Variants in MSRA observed in about 807,000 individuals in gnomAD.
The protein encoded by MSRA is methionine sulfoxide reductase A.
MSRA carries 54 observed loss-of-function variants against 31.3 expected under a neutral mutation model. The ratio of observed to expected loss-of-function variants is 1.73; its 90% confidence interval spans 1.39 to 2.17. The LOEUF (loss-of-function observed/expected upper bound fraction) is 2.17, where lower values mean the gene tolerates loss of function less well. Ranked by LOEUF, MSRA falls within the 30% of genes most tolerant of loss-of-function variation. The pLI, the probability that MSRA is intolerant of heterozygous loss-of-function variation, is 0.00. For synonymous variants in MSRA, 169 were observed against 116.5 expected (o/e 1.45, Z -2.90); for missense variants, 507 against 300.9 (o/e 1.69, Z -5.07).
At chr8:10,247,430 T>A (rs754186905) in intron 3 of MSRA, among the ~76,000 whole-genome samples, 3 of 152,220 alleles carry the variant, frequency 2.0e-5, no homozygotes, top group Non-Finnish European at 4.4e-5. Flanking sequence ...AAGTCACAAA[T>A]TCTCTTTCAT....
chr8:10,109,073 C>A (rs989469359), intron 1 of MSRA, among the ~76,000 whole-genome samples: 14 of 152,210 alleles, frequency 9.2e-5, no homozygotes, highest in Non-Finnish European at 1.8e-4. Context: ...TTCTGGCCAG[C>A]GCATTCCCTT....
chr8:10,110,084 C>A (rs1021232497), intron 1 of MSRA, among the ~76,000 whole-genome samples: 1 of 152,160 alleles, frequency 6.6e-6, no homozygotes, highest in Non-Finnish European at 1.5e-5. Flanking sequence ...ACAGTTCATG[C>A]CCCACACAGA....
At chr8:10,241,684 A>G (rs540982246) in intron 2 of MSRA, among the ~76,000 whole-genome samples, 18 of 152,318 alleles carry the variant, frequency 1.2e-4, no homozygotes, top group Non-Finnish European at 1.3e-4. Context: ...GCACCCATCA[A>G]TGCTAACTAG....
Position 10,392,835 on chromosome 8 carries a change from A to G in MSRA, c.544-35313A>G, listed in dbSNP as rs142954158. Among the ~76,000 whole-genome samples the G allele has an allele frequency of 5.2e-3, 776 of 148,062 alleles. 9 individuals are homozygous for G. Among genetic ancestry groups the G allele is most frequent in the African/African-American group, 0.019 (751 of 39,776 alleles). On this transcript the variant is annotated intron_variant, in intron 5 of 5. Coordinates refer to ENST00000317173, the MANE Select transcript of MSRA (RefSeq NM_012331.5). ...GCTGAGACGGGCGTATCACCAGGTCAGGAGATCAAGACCATTCTGGCTAAC... is the reference window on the plus strand; with the variant it reads ...GCTGAGACGGGCGTATCACCAGGTCGGGAGATCAAGACCATTCTGGCTAAC...
intron 5 of MSRA, among the ~76,000 whole-genome samples, chr8:10,385,609 G>A (rs773071143): frequency 3.3e-5 from 5 of 152,166 alleles, no homozygotes; most frequent in Non-Finnish European, 5.9e-5. Flanking sequence ...GATTAGGAGG[G>A]CCTGGCTCCC....
intron 1 of MSRA, chr8:10,096,340 TTG>T (rs1226736369): frequency 1.9e-6 from 2 of 1,045,028 alleles, no homozygotes; most frequent in African/African-American, 3.4e-5. Flanking sequence ...CATTATTTTT[TTG>T]TGTGTCTTTG....
chr8:10,090,650 T>G (rs190695333), intron 1 of MSRA, among the ~76,000 whole-genome samples: 1 of 152,228 alleles, frequency 6.6e-6, no homozygotes, highest in Non-Finnish European at 1.5e-5. Flanking sequence ...TTTGGTTCAC[T>G]CCAAAAGGAA....
intron 3 of MSRA, among the ~76,000 whole-genome samples, chr8:10,255,053 C>G (rs1310179820): frequency 6.6e-6 from 1 of 152,250 alleles, no homozygotes. Context: ...GTGCAAGATG[C>G]TGTGATTGGG....
intron 2 of MSRA, among the ~76,000 whole-genome samples, chr8:10,220,412 G>C (rs779856604): frequency 3.3e-5 from 5 of 152,166 alleles, no homozygotes; most frequent in African/African-American, 9.7e-5. Flanking sequence ...TTACCATGAA[G>C]AAACTCAAAA....
chr8:10,412,754 A>G (rs186789688), intron 5 of MSRA, among the ~76,000 whole-genome samples: 427 of 152,330 alleles, frequency 2.8e-3, no homozygotes, highest in African/African-American at 9.9e-3. Flanking sequence ...AATGCAGATG[A>G]CAGCCACGTT....
Position 10,118,073 on chromosome 8 carries a change from A to T in MSRA, c.142+63415A>T, listed in dbSNP as rs1156685941. ...AGGATTTCACTGTAAGGTTTTGGCG[A>T]TTTTCTTTTCCCTGGGTGTTCATTC... On this transcript the variant is annotated intron_variant, in intron 1 of 5. Transcript: ENST00000317173. Among the ~76,000 whole-genome samples, 4 of 152,238 alleles carry T rather than the reference A, an allele frequency of 2.6e-5. No individual in the cohort carries two copies. The East Asian group carries it at 7.7e-4, about 29-fold the overall frequency.
chr8:10,387,039 A>T (rs1806438226), intron 5 of MSRA, among the ~76,000 whole-genome samples: 1 of 152,182 alleles, frequency 6.6e-6, no homozygotes, highest in Admixed American at 6.5e-5. Context: ...CAGCAGGTCC[A>T]GGGTGGGGCC....
chr8:10,138,710 T>A (rs1802471789), intron 1 of MSRA, among the ~76,000 whole-genome samples: 1 of 152,238 alleles, frequency 6.6e-6, no homozygotes, highest in Non-Finnish European at 1.5e-5. Flanking sequence ...AAAAAGAGGT[T>A]GCTCGCTGTT....
chr8:10,290,443 A>G (rs959994106), intron 3 of MSRA, among the ~76,000 whole-genome samples: 16 of 152,146 alleles, frequency 1.1e-4, no homozygotes, highest in African/African-American at 3.9e-4. Flanking sequence ...CTTTGTTGAA[A>G]AAAAAAAATG....
intron 3 of MSRA, among the ~76,000 whole-genome samples, chr8:10,282,160 C>T (rs1048895439): frequency 1.3e-5 from 2 of 152,184 alleles, no homozygotes; most frequent in African/African-American, 4.8e-5. Flanking sequence ...AAAAACCTTT[C>T]ATCCACAAAA....
chr8:10,147,039 CT>C (rs1803203673), intron 1 of MSRA, among the ~76,000 whole-genome samples: 2 of 152,182 alleles, frequency 1.3e-5, no homozygotes, highest in Non-Finnish European at 2.9e-5. Context: ...CGAGGTGGCC[CT>C]TCCCAGGTAC....
At chr8:10,420,685 T>A (rs929673665) in intron 5 of MSRA, among the ~76,000 whole-genome samples, 2 of 152,052 alleles carry the variant, frequency 1.3e-5, no homozygotes, top group African/African-American at 2.4e-5. Flanking sequence ...CCCCACCCCA[T>A]GTACAAGTGC....
At chr8:10,239,445 C>T (rs865854307) in intron 2 of MSRA, among the ~76,000 whole-genome samples, 2 of 152,304 alleles carry the variant, frequency 1.3e-5, no homozygotes, top group South Asian at 4.1e-4. Flanking sequence ...CAGGCATGAG[C>T]CACCACCCCT....
intron 1 of MSRA, among the ~76,000 whole-genome samples, chr8:10,066,993 G>C (rs1563391561): frequency 1.3e-5 from 2 of 151,130 alleles, no homozygotes; most frequent in Admixed American, 1.3e-4. Flanking sequence ...AGTTACAATT[G>C]ATGAGCCAAT....
Sources: allele counts gnomAD v4.1 joint callset (sites outside exome capture counted in the v4.1 genomes callset), GRCh38; gene constraint gnomAD v4.1.1; transcripts MANE v1.5; gene names NCBI Gene and HGNC (gene_info 2026-07-23, HGNC 2026-07-21).